The following LDLRAD4 variants were observed in gnomAD, a reference collection of about 807,000 sequenced individuals.
LDLRAD4 encodes the protein low density lipoprotein receptor class A domain containing 4.
A neutral mutation model predicts 17.0 loss-of-function variants in LDLRAD4; 5 were observed. That is an observed-to-expected ratio of 0.29 (90% CI 0.15 to 0.62). The LOEUF (loss-of-function observed/expected upper bound fraction) is 0.62, where lower values mean the gene tolerates loss of function less well. LDLRAD4 is among the 20% of genes least tolerant of loss of function. The probability of loss-of-function intolerance (pLI) is 0.84; values close to 1 mark genes in which losing one functional copy is unlikely to be tolerated. For synonymous variants in LDLRAD4, 168 were observed against 171.8 expected (o/e 0.98, Z 0.17); for missense variants, 340 against 424.7 (o/e 0.80, Z 1.75).
chr18:13,259,200 C>T (rs2043669787), intron 1 of LDLRAD4, among the ~76,000 whole-genome samples: 1 of 152,144 alleles, frequency 6.6e-6, no homozygotes, highest in Admixed American at 6.5e-5. Flanking sequence ...TCCTCCTCTC[C>T]CTCCTTCCTG....
chr18:13,626,293 G>C (rs1300926996), intron 4 of LDLRAD4, among the ~76,000 whole-genome samples: 1 of 152,178 alleles, frequency 6.6e-6, no homozygotes, highest in Non-Finnish European at 1.5e-5. Flanking sequence ...TAATGGGAAA[G>C]CAGTAAAGGG....
At chr18:13,466,696 A>G (rs1272087970) in intron 3 of LDLRAD4, among the ~76,000 whole-genome samples, 3 of 152,174 alleles carry the variant, frequency 2.0e-5, no homozygotes, top group African/African-American at 4.8e-5. Flanking sequence ...AATACCATAT[A>G]CGAGGTGGCC....
chr18:13,391,158 G>A (rs2086246380), intron 2 of LDLRAD4, among the ~76,000 whole-genome samples: 1 of 152,194 alleles, frequency 6.6e-6, no homozygotes, highest in Non-Finnish European at 1.5e-5. Context: ...TCTTCCCTAG[G>A]CTTTAAATTT....
At chr18:13,602,208 A>T (rs189549565) in intron 3 of LDLRAD4, among the ~76,000 whole-genome samples, 1 of 152,354 alleles carries the variant, frequency 6.6e-6, no homozygotes, top group Non-Finnish European at 1.5e-5. Flanking sequence ...CCTATCGGGT[A>T]TTATGCTCAC....
intron 2 of LDLRAD4, among the ~76,000 whole-genome samples, chr18:13,415,050 T>C (rs557973344): frequency 6.6e-6 from 1 of 152,346 alleles, no homozygotes; most frequent in East Asian, 1.9e-4. Flanking sequence ...AGAAGTTTTA[T>C]ATCTTCTTTC....
intron 3 of LDLRAD4, among the ~76,000 whole-genome samples, chr18:13,475,400 T>C (rs1226440074): frequency 6.6e-6 from 1 of 151,058 alleles, no homozygotes; most frequent in Middle Eastern, 3.2e-3. Context: ...TAGCTGGGAC[T>C]CTGGTGCTCG....
intron 1 of LDLRAD4, among the ~76,000 whole-genome samples, chr18:13,297,016 C>T (rs543874287): frequency 2.6e-4 from 40 of 151,688 alleles, no homozygotes; most frequent in African/African-American, 9.7e-4. Flanking sequence ...ATTCCTTCCC[C>T]GCCAGCGGGT....
chr18:13,441,027 C>T (rs936119840), intron 3 of LDLRAD4, among the ~76,000 whole-genome samples: 2 of 152,180 alleles, frequency 1.3e-5, no homozygotes, highest in African/African-American at 4.8e-5. Flanking sequence ...GCTCACGGCG[C>T]GGGTTGCCTC....
intron 1 of LDLRAD4, among the ~76,000 whole-genome samples, chr18:13,316,642 G>C (rs1208278188): frequency 6.6e-6 from 1 of 152,214 alleles, no homozygotes; most frequent in Non-Finnish European, 1.5e-5. Context: ...ACACATGATG[G>C]TAACAGCCTT....
At chr18:13,290,913 C>T (rs1465800954) in intron 1 of LDLRAD4, among the ~76,000 whole-genome samples, 2 of 152,244 alleles carry the variant, frequency 1.3e-5, no homozygotes, top group Admixed American at 6.5e-5. Flanking sequence ...GCAGGCCCTG[C>T]TCTGCACCGT....
At chr18:13,361,489 A>G (rs2083667697) in intron 1 of LDLRAD4, among the ~76,000 whole-genome samples, 1 of 152,216 alleles carries the variant, frequency 6.6e-6, no homozygotes, top group Non-Finnish European at 1.5e-5. Context: ...CCAGGCCCTC[A>G]GTACAGTTCT....
intron 1 of LDLRAD4, among the ~76,000 whole-genome samples, chr18:13,250,223 T>C (rs943096962): frequency 6.6e-6 from 1 of 152,246 alleles, no homozygotes; most frequent in Non-Finnish European, 1.5e-5. Flanking sequence ...ATTATAGCTT[T>C]ATAGTATATT....
chr18:13,302,968 A>G (rs2046691006), intron 1 of LDLRAD4, among the ~76,000 whole-genome samples: 2 of 152,240 alleles, frequency 1.3e-5, no homozygotes, highest in African/African-American at 2.4e-5. Flanking sequence ...GAACTTGGCC[A>G]TGGTCCAAGA....
intron 4 of LDLRAD4, among the ~76,000 whole-genome samples, chr18:13,632,997 G>A (rs139629597): frequency 2.0e-5 from 3 of 151,974 alleles, no homozygotes; most frequent in Non-Finnish European, 2.9e-5. Context: ...TCATCCTGAC[G>A]TCTGTCCAGC....
At chr18:13,379,665 G>A (rs1329343108) in intron 1 of LDLRAD4, among the ~76,000 whole-genome samples, 1 of 152,206 alleles carries the variant, frequency 6.6e-6, no homozygotes, top group Non-Finnish European at 1.5e-5. Context: ...CGTCCTGCAG[G>A]CCAGAGAGCA....
At chr18:13,355,584 T>C (rs1033898493) in intron 1 of LDLRAD4, among the ~76,000 whole-genome samples, 1 of 152,254 alleles carries the variant, frequency 6.6e-6, no homozygotes, top group African/African-American at 2.4e-5. Context: ...TTCTTTTCTG[T>C]TATGCTGAAA....
chr18:13,495,271 G>A (rs1467682954), intron 3 of LDLRAD4, among the ~76,000 whole-genome samples: 9 of 152,168 alleles, frequency 5.9e-5, no homozygotes, highest in Admixed American at 6.5e-5. Flanking sequence ...TTCAGTTCCA[G>A]GGCCAGCGAG....
intron 1 of LDLRAD4, among the ~76,000 whole-genome samples, chr18:13,251,571 G>C (rs572775083): frequency 3.9e-4 from 60 of 152,116 alleles, no homozygotes; most frequent in Non-Finnish European, 7.6e-4. Flanking sequence ...TGTTTCTATA[G>C]ACAAACAACT....
chr18:13,341,353 T>C (rs1346698868), intron 1 of LDLRAD4, among the ~76,000 whole-genome samples: 2 of 152,170 alleles, frequency 1.3e-5, no homozygotes, highest in Non-Finnish European at 2.9e-5. Context: ...TATTTTCTAA[T>C]CCATGAACAT....
Sources: gnomAD v4.1 joint callset for allele counts (sites outside exome capture counted in the v4.1 genomes callset) on GRCh38, gnomAD v4.1.1 for gene constraint, MANE v1.5 for transcripts, NCBI Gene and HGNC (gene_info 2026-07-23, HGNC 2026-07-21) for gene names.